The following PNKP variants were observed in gnomAD, a reference collection of about 807,000 sequenced individuals.
The protein encoded by PNKP is bifunctional polynucleotide phosphatase/kinase.
A neutral mutation model predicts 66.2 loss-of-function variants in PNKP; 82 were observed. The ratio of observed to expected loss-of-function variants is 1.24; its 90% CI spans 1.04 to 1.49. The LOEUF is 1.49. Ranked by LOEUF, PNKP falls within the 40% of genes most tolerant of loss-of-function variation. The probability of loss-of-function intolerance (pLI) is 0.00; values close to 1 mark genes in which losing one functional copy is unlikely to be tolerated. For missense variants in PNKP, 907 were observed against 706.8 expected (o/e 1.28, Z -3.21); for synonymous variants, 412 against 298.9 (o/e 1.38, Z -3.90).
chr19:49,866,423 C>G lies in PNKP; in HGVS notation c.174G>C (p.Glu58Asp). The change falls in exon 3 of 17, where the codon GAG becomes GAC. Residue 58 changes from glutamate (E) to aspartate (D), a missense_variant. By Grantham distance (45) the Glu-to-Asp change is conservative (BLOSUM62 2). Transcript: ENST00000322344. Reference sequence around the variant, plus strand: ...CCTGTTTCACTGCCACTGTCCGGGTCTCAGGATCTGCGACCAGCTCCACTG... The same window carrying G: ...CCTGTTTCACTGCCACTGTCCGGGTGTCAGGATCTGCGACCAGCTCCACTG... Reference protein sequence around the residue: ...RTQVELVADPETRTVAVKQLG... With the variant: ...RTQVELVADPDTRTVAVKQLG... 9 of 1,614,208 alleles carry G rather than the reference C, an allele frequency of 5.6e-6. No homozygotes were observed. Among genetic ancestry groups the G allele is most frequent in the Non-Finnish European group, 7.6e-6 (9 of 1,180,010 alleles).
At chr19:49,866,528 G>T (rs773459143) in intron 2 of PNKP, 83 bp from the exon 3 acceptor site, 6 of 1,324,820 alleles carry the variant, frequency 4.5e-6, no homozygotes, top group Middle Eastern at 1.8e-4. Context: ...CCTGCTTCAG[G>T]CTATAGCATC....
chr19:49,861,585 G>T (rs758058664), intron 15 of PNKP, 23 bp downstream of exon 15: 1 of 1,560,620 alleles, frequency 6.4e-7, no homozygotes, highest in Admixed American at 1.9e-5. Context: ...AGCCCGGGGG[G>T]TGTCCGGGCT....
At chr19:49,864,106 C>T (rs1194923366) in intron 6 of PNKP, 35 bp from the exon 7 acceptor site, 6 of 1,611,410 alleles carry the variant, frequency 3.7e-6, no homozygotes, top group Admixed American at 3.3e-5. Flanking sequence ...ACGCTCTGCT[C>T]ACCAGGGCCT....
chr19:49,863,942 C>T (rs761517764), intron 7 of PNKP, 22 bp downstream of exon 7: 2 of 1,581,560 alleles, frequency 1.3e-6, no homozygotes, highest in Non-Finnish European at 1.7e-6. Flanking sequence ...CACATAGCTC[C>T]CAGCCTCCCT....
chr19:49,861,767 G>T lies in PNKP; in HGVS notation c.1298+5C>A. On this transcript the variant is annotated splice_donor_5th_base_variant and intron_variant, in intron 14 of 16. Transcript: ENST00000322344. ...AGGCCACCTACGGCCCCGCGGTCAC[G>T]CTACCTGGCGCGGCTCGCGGCGTCT... The T allele has an allele frequency of 1.9e-6, 3 of 1,567,300 alleles. No homozygotes were observed. Among genetic ancestry groups the T allele is most frequent in the Non-Finnish European group, 2.6e-6 (3 of 1,156,952 alleles).
Position 49,864,243 on chromosome 19 carries a change from C to G in PNKP, c.579-7G>C. ...AATCTCTGGGTACAAGATCCTACGG[C>G]AGGTATGAAGCGGCAGGGGTGACCC... is the stretch of plus-strand genomic sequence containing the variant. On this transcript the variant is annotated splice_polypyrimidine_tract_variant and splice_region_variant and intron_variant, in intron 5 of 16. Transcript: ENST00000322344. 1 of 1,614,146 alleles carries G rather than the reference C, an allele frequency of 6.2e-7. No homozygotes were observed. The highest frequency in any genetic ancestry group is 8.5e-7 in the Non-Finnish European group (1 of 1,180,014).
Position 49,862,455 on chromosome 19 carries a change from G to A in PNKP, c.945C>T (p.Leu315=), listed in dbSNP as rs754202531. The change falls in exon 11 of 17, where the codon CTC becomes CTT. Residue 315 remains leucine (L), a synonymous_variant. Coordinates refer to ENST00000322344, the MANE Select transcript of PNKP (RefSeq NM_007254.4). Reference sequence around the variant, plus strand: ...GCGTGGCGAAGGGCAGGCCAAGGTTGAGGGCAAACTAGGGGTTGAGGACGA... The same window carrying A: ...GCGTGGCGAAGGGCAGGCCAAGGTTAAGGGCAAACTAGGGGTTGAGGACGA... ...DFSCADRLFA[L]NLGLPFATPE... is the part of the protein sequence containing the mutation. 6.3e-7 allele frequency: 1 copy of A among 1,591,156 alleles called. No individual in the cohort carries two copies. The highest frequency in any genetic ancestry group is 1.1e-5 in the South Asian group (1 of 87,944).
chr19:49,862,168 AG>A lies in PNKP; in HGVS notation c.1126+16del, dbSNP rs767752373. The A allele has an allele frequency of 1.1e-5, 18 of 1,613,708 alleles. No homozygotes were observed. In the East Asian group the frequency reaches 3.1e-4, roughly 28 times the overall value. ...CAGGCGGGGCTCAGGGCACGCGCAC[AG>A]GAACAGGACACTTACCCCCAGGGAA... On this transcript the variant is annotated intron_variant, in intron 12 of 16. Coordinates refer to ENST00000322344, the MANE Select transcript of PNKP (RefSeq NM_007254.4).
In PNKP at chr19:49,862,413, GAGAA is replaced by G. The variant is rs1568660169; in HGVS notation, c.983_986del (p.Phe328SerfsTer33). 3 of 1,571,718 alleles carry G rather than the reference GAGAA, an allele frequency of 1.9e-6. No homozygotes were observed. Among genetic ancestry groups the G allele is most frequent in the Non-Finnish European group, 2.6e-6 (3 of 1,158,254 alleles). On this transcript the variant is annotated frameshift_variant, in exon 11 of 17. Coordinates refer to ENST00000322344, the MANE Select transcript of PNKP (RefSeq NM_007254.4). LOFTEE classifies it high-confidence loss of function. ...GCTCGAAGCCGGCTGCTGGCCACTT[GAGAA>G]AGAACTCCTCAGGCGTGGCGAAGGG...
At position 49,861,642 on chromosome 19, in the gene PNKP, G is replaced by A. The variant is rs765271876; in HGVS notation, c.1352C>T (p.Thr451Ile). 2 of 1,552,628 alleles carry A rather than the reference G, an allele frequency of 1.3e-6. No homozygotes were observed. Among genetic ancestry groups the A allele is most frequent in the Admixed American group, 1.9e-5 (1 of 51,366 alleles). Residue 451 changes from threonine to isoleucine, a missense_variant, in exon 15 of 17, where the codon ACC becomes ATC. Coordinates refer to ENST00000322344, the MANE Select transcript of PNKP (RefSeq NM_007254.4). Reference sequence around the variant, plus strand: ...GTGGCGCGCCTGCTCCAGAGTGGCGGTGAAGAGGAAGCAGCGGCAGGGGAC... The same window carrying A: ...GTGGCGCGCCTGCTCCAGAGTGGCGATGAAGAGGAAGCAGCGGCAGGGGAC... ...AGVPCRCFLF[T>I]ATLEQARHNN... is the part of the protein sequence containing the mutation.
chr19:49,867,141 T>TG lies in PNKP; in HGVS notation c.63dup (p.Ile22HisfsTer37), dbSNP rs1568663209. The TG allele has an allele frequency of 6.2e-7, 1 of 1,612,386 alleles. No homozygotes were observed. The highest frequency in any genetic ancestry group is 8.5e-7 in the Non-Finnish European group (1 of 1,179,680). On this transcript the variant is annotated frameshift_variant, in exon 2 of 17. Transcript: ENST00000322344. LOFTEE classifies it high-confidence loss of function. ...GCTTGCCCGTCCGAGGGCAGGAAGA[T>TG]GGGGGGCGCTCCCCCAGGGGGGCTC... is the stretch of plus-strand genomic sequence containing the variant.
rs201258910 is a variant in PNKP at position 49,867,149 on chromosome 19, G to T, written c.56C>A (p.Ala19Glu). Residue 19 changes from alanine (A) to glutamate (E), a missense_variant, in exon 2 of 17, where the codon GCG becomes GAG. By Grantham distance (107) the Ala-to-Glu change is moderately radical. Transcript: ENST00000322344. ...GTCCGAGGGCAGGAAGATGGGGGGC[G>T]CTCCCCCAGGGGGGCTCTCGAGCCA... Reference protein sequence around the residue: ...RLWLESPPGGAPPIFLPSDGQ... With the variant: ...RLWLESPPGGEPPIFLPSDGQ... 2.5e-6 allele frequency: 4 copies of T among 1,611,758 alleles called. No individual in the cohort carries two copies. Among genetic ancestry groups the T allele is most frequent in the Non-Finnish European group, 3.4e-6 (4 of 1,179,212 alleles).
Position 49,864,060 on chromosome 19 carries a change from G to A in PNKP, c.648C>T (p.Phe216=), listed in dbSNP as rs758651834. The A allele has an allele frequency of 1.2e-6, 2 of 1,613,912 alleles. No homozygotes were observed. The highest frequency in any genetic ancestry group is 2.2e-5 in the South Asian group (2 of 91,076). The change falls in exon 7 of 17, where the codon TTC becomes TTT. Residue 216 remains phenylalanine (F), a synonymous_variant. Transcript: ENST00000322344. The part of the protein sequence containing the change: ...LEAEGYKLVI[F]TNQMSIGRGK... ...CGCGCCCGATGCTCATCTGGTTGGT[G>A]AAGATCACCAGCTGGGGAGCAAAGG...
intron 8 of PNKP, 177 bp from the exon 9 acceptor site, chr19:49,862,915 GTC>G (rs2074789535): frequency 1.4e-6 from 1 of 717,892 alleles, no homozygotes; most frequent in East Asian, 2.7e-5. Flanking sequence ...CCCCTCCGTG[GTC>G]TCTCCACACA....
chr19:49,865,222 G>C lies in PNKP; in HGVS notation c.403C>G (p.Leu135Val). The C allele has an allele frequency of 6.2e-7, 1 of 1,614,202 alleles. No homozygotes were observed. The highest frequency in any genetic ancestry group is 8.5e-7 in the Non-Finnish European group (1 of 1,180,022). ...VSQDEKRDAELPKKRMRKSNP... is the reference protein window; with the variant it reads ...VSQDEKRDAEVPKKRMRKSNP... ...GACTTCCGCATACGCTTCTTCGGCA[G>C]CTCAGCATCTCTCTTCTCATCTTGG... The change falls in exon 4 of 17, where the codon CTG becomes GTG. Residue 135 changes from leucine (L) to valine (V), a missense_variant. Physicochemically the swap from Leu to Val is conservative, Grantham distance 32. Coordinates refer to ENST00000322344, the MANE Select transcript of PNKP (RefSeq NM_007254.4).
Position 49,861,273 on chromosome 19 carries a change from A to G in PNKP, c.1541T>C (p.Leu514Pro). 1 of 1,612,590 alleles carries G rather than the reference A, an allele frequency of 6.2e-7. No individual in the cohort carries two copies. The highest frequency in any genetic ancestry group is 8.5e-7 in the Non-Finnish European group (1 of 1,178,788). The change falls in exon 17 of 17, where the codon CTG (leucine) becomes CCG (proline). Residue 514 changes from leucine to proline, a missense_variant. By Grantham distance (98) the Leu-to-Pro change is moderately conservative (BLOSUM62 -3). Transcript: ENST00000322344. ...TCAGCCCTCGGAGAACTGGCAGTAC[A>G]GCCGCCCCAGCCTCGGCTCCACCCA... The part of the protein sequence containing the change: ...RLWVEPRLGR[L>P]YCQFSEG
Position 49,861,658 on chromosome 19 carries a change from G to A in PNKP, c.1336C>T (p.Arg446Cys), listed in dbSNP as rs1271713057. The A allele has an allele frequency of 2.6e-6, 4 of 1,550,356 alleles. No homozygotes were observed. Among genetic ancestry groups the A allele is most frequent in the Admixed American group, 2.0e-5 (1 of 51,182 alleles). The change falls in exon 15 of 17, where the codon CGC becomes TGC. Residue 446 changes from arginine to cysteine, a missense_variant. Physicochemically the swap from Arg to Cys is radical, Grantham distance 180. Coordinates refer to ENST00000322344, the MANE Select transcript of PNKP (RefSeq NM_007254.4). The stretch of plus-strand genomic sequence containing the variant: ...AGAGTGGCGGTGAAGAGGAAGCAGC[G>A]GCAGGGGACGCCCGCGGCTCGGGCA... The part of the protein sequence containing the change: ...QCARAAGVPC[R>C]CFLFTATLEQ...
intron 12 of PNKP, 31 bp downstream of exon 12, chr19:49,862,154 C>T (rs752622480): frequency 6.8e-6 from 11 of 1,613,620 alleles, no homozygotes; most frequent in South Asian, 1.1e-5. Flanking sequence ...AGGCGGGGCT[C>T]AGGGCACGCG....
At position 49,862,220 on chromosome 19, in the gene PNKP, C is replaced by T. The variant is rs1473117442; in HGVS notation, c.1091G>A (p.Ser364Asn). The T allele has an allele frequency of 6.2e-7, 1 of 1,613,140 alleles. No individual in the cohort carries two copies. Among genetic ancestry groups the T allele is most frequent in the Admixed American group, 1.7e-5 (1 of 59,890 alleles). ...TCCCACTGCGACAACCACCTCCGGGCTGGCGCTCAGGAGGGCCCTGGACTC... is the reference window on the plus strand; with the variant it reads ...TCCCACTGCGACAACCACCTCCGGGTTGGCGCTCAGGAGGGCCCTGGACTC... ...LPESRALLSA[S>N]PEVVVAVGFP... The change falls in exon 12 of 17, where the codon AGC (serine) becomes AAC (asparagine). Residue 364 changes from serine to asparagine, a missense_variant. Transcript: ENST00000322344.
Sources: gnomAD v4.1 joint callset for allele counts on GRCh38, gnomAD v4.1.1 for gene constraint, MANE v1.5 for transcripts, NCBI Gene and HGNC (gene_info 2026-07-23, HGNC 2026-07-21) for gene names.